Variants in MTUS1 observed in about 807,000 individuals in gnomAD.
MTUS1 encodes the protein microtubule associated scaffold protein 1.
MTUS1 carries 109 observed loss-of-function variants against 120.8 expected under a neutral mutation model. The ratio of observed to expected loss-of-function variants is 0.90; its 90% CI spans 0.77 to 1.06. MTUS1 has a LOEUF of 1.06. MTUS1 is among the 50% of genes least tolerant of loss of function. The pLI is 0.00. For missense variants in MTUS1, 2,210 were observed against 1,486.3 expected (o/e 1.49, Z -8.01); for synonymous variants, 737 against 550.5 (o/e 1.34, Z -4.74).
intron 1 of MTUS1, among the ~76,000 whole-genome samples, chr8:17,759,389 G>A (rs959955051): frequency 1.3e-5 from 2 of 151,174 alleles, no homozygotes; most frequent in Admixed American, 1.3e-4. Flanking sequence ...TCAGCCTCCC[G>A]AGTAGCTGTG....
At chr8:17,786,777 A>T (rs2051337518) in intron 1 of MTUS1, among the ~76,000 whole-genome samples, 1 of 152,106 alleles carries the variant, frequency 6.6e-6, no homozygotes, top group South Asian at 2.1e-4. Context: ...TTCATATGTG[A>T]TATTAAGAGT....
At chr8:17,682,539 A>G (rs1446759979) in intron 7 of MTUS1, among the ~76,000 whole-genome samples, 2 of 138,816 alleles carry the variant, frequency 1.4e-5, no homozygotes, top group Non-Finnish European at 3.1e-5. Context: ...AAAAAAAAAA[A>G]GTTGCTATCA....
At position 17,774,445 on chromosome 8, in the gene MTUS1, T is replaced by C. The variant is rs140566239; in HGVS notation, c.-154-18484A>G. 4.0e-4 allele frequency among the ~76,000 whole-genome samples: 61 copies of C among 152,244 alleles called. 2 individuals are homozygous for C. In the East Asian group the frequency reaches 6.2e-3, roughly 15 times the overall value. ...AAAGTAAGTTTACCCCTTTCTAAAATGTGAAGAAAAGGAAGCGGAGGTGAT... is the reference window on the plus strand; with the variant it reads ...AAAGTAAGTTTACCCCTTTCTAAAACGTGAAGAAAAGGAAGCGGAGGTGAT... On this transcript the variant is annotated intron_variant, in intron 1 of 14. Coordinates refer to ENST00000693296, the MANE Select transcript of MTUS1 (RefSeq NM_001363059.2).
In MTUS1 at chr8:17,684,322, C is replaced by G. The variant is rs1239614266; in HGVS notation, c.2838+6G>C. 1 of 1,611,166 alleles carries G rather than the reference C, an allele frequency of 6.2e-7. No individual in the cohort carries two copies. Among genetic ancestry groups the G allele is most frequent in the Non-Finnish European group, 8.5e-7 (1 of 1,177,424 alleles). On this transcript the variant is annotated splice_donor_region_variant and intron_variant, in intron 7 of 14. Coordinates refer to ENST00000693296, the MANE Select transcript of MTUS1 (RefSeq NM_001363059.2). ...GAAAGGCTCTTTCTAGGATGCACCTCCTTACCTCAGACAGCAGGTGCTGAA... is the reference window on the plus strand; with the variant it reads ...GAAAGGCTCTTTCTAGGATGCACCTGCTTACCTCAGACAGCAGGTGCTGAA...
chr8:17,750,910 T>C (rs1007592522), intron 2 of MTUS1, among the ~76,000 whole-genome samples: 2 of 152,342 alleles, frequency 1.3e-5, no homozygotes, highest in Middle Eastern at 3.4e-3. Context: ...ATAAGAACTT[T>C]TCTAAAGATT....
rs573244646 is a variant in MTUS1 at position 17,788,575 on chromosome 8, T to C, written c.-155+12486A>G. Among the ~76,000 whole-genome samples, 23 of 152,252 alleles carry C rather than the reference T, an allele frequency of 1.5e-4. No individual in the cohort carries two copies. The South Asian group carries it at 4.8e-3, about 32-fold the overall frequency. Reference sequence around the variant, plus strand: ...GACAGCCACAGACTAAACCACCACCTTGAAAAGCAGGCTAGGAAGGATCAT... The same window carrying C: ...GACAGCCACAGACTAAACCACCACCCTGAAAAGCAGGCTAGGAAGGATCAT... On this transcript the variant is annotated intron_variant, in intron 1 of 14. Coordinates refer to ENST00000693296, the MANE Select transcript of MTUS1 (RefSeq NM_001363059.2).
At chr8:17,759,608 T>C (rs996127070) in intron 1 of MTUS1, among the ~76,000 whole-genome samples, 3 of 147,184 alleles carry the variant, frequency 2.0e-5, no homozygotes, top group African/African-American at 4.9e-5. Flanking sequence ...TATATATATA[T>C]ATAAAAGTTC....
upstream of MTUS1, chr8:17,801,393 G>C (rs1214732355): frequency 2.0e-5 from 3 of 151,820 alleles, no homozygotes; most frequent in Admixed American, 2.0e-4. Flanking sequence ...CTCGCTGCGG[G>C]AGACCAAGGC....
chr8:17,768,829 G>GA (rs2049780172), intron 1 of MTUS1, among the ~76,000 whole-genome samples: 2 of 152,102 alleles, frequency 1.3e-5, no homozygotes, highest in Admixed American at 1.3e-4. Context: ...CAACACACCA[G>GA]AAAAGTCAAA....
intron 6 of MTUS1, among the ~76,000 whole-genome samples, chr8:17,707,444 G>A (rs76592531): frequency 6.6e-6 from 1 of 152,000 alleles, no homozygotes; most frequent in African/African-American, 2.4e-5. Flanking sequence ...AAGAACCTGG[G>A]AAAGTCATGC....
At chr8:17,724,102 A>C (rs1289661285) in intron 3 of MTUS1, 2 of 551,912 alleles carry the variant, frequency 3.6e-6, no homozygotes, top group African/African-American at 1.9e-5. Flanking sequence ...ATTAACTCAC[A>C]CATGTTCTCT....
intron 3 of MTUS1, chr8:17,734,106 G>C (rs1229260178): frequency 6.6e-6 from 1 of 152,082 alleles, no homozygotes; most frequent in African/African-American, 2.4e-5. Flanking sequence ...GATGAAACAA[G>C]AACTTGTCAC....
intron 8 of MTUS1, among the ~76,000 whole-genome samples, chr8:17,671,112 C>G (rs113547977): frequency 1.6e-4 from 25 of 151,844 alleles, no homozygotes; most frequent in Admixed American, 1.6e-3. Context: ...ATTAGCATTC[C>G]GCTGTATGAA....
intron 4 of MTUS1, chr8:17,722,547 G>A (rs1026465690): frequency 3.1e-5 from 31 of 985,164 alleles, no homozygotes; most frequent in Non-Finnish European, 2.7e-5. Flanking sequence ...TTCCTGAAGT[G>A]CCAGGGTATG....
At chr8:17,757,428 G>A (rs1188718307) in intron 1 of MTUS1, among the ~76,000 whole-genome samples, 1 of 152,174 alleles carries the variant, frequency 6.6e-6, no homozygotes, top group Non-Finnish European at 1.5e-5. Context: ...GATGATGGCT[G>A]CACAATGTTA....
rs1405366050 is a variant in MTUS1, at chr8:17,723,371, T to C, written c.2449+301A>G. ...AAATGAAACTGAAATAATCTTTTTTTCTGATTCCAGTTAGAGTCCAAATCC... is the reference window on the plus strand; with the variant it reads ...AAATGAAACTGAAATAATCTTTTTTCCTGATTCCAGTTAGAGTCCAAATCC... On this transcript the variant is annotated intron_variant, in intron 4 of 14. Transcript: ENST00000693296. 10 of 401,140 alleles carry C rather than the reference T, an allele frequency of 2.5e-5. No individual in the cohort carries two copies. In the East Asian group the frequency reaches 3.9e-4, roughly 16 times the overall value. The allele number at this position is 401,140 out of a possible 1,614,324, so 24.8% of individuals were successfully genotyped here. A position where few individuals can be genotyped will look rare whatever the true frequency, so the allele number is the denominator to read the frequency against.
rs1375598712 is a variant in MTUS1, at chr8:17,723,621, T to C, written c.2449+51A>G. ...ATTATTTGCAGAGCATTAGTTTTTC[T>C]TGTAATGACTGTTTCCACAACCCCC... On this transcript the variant is annotated intron_variant, in intron 4 of 14. Transcript: ENST00000693296. 5 of 1,563,490 alleles carry C rather than the reference T, an allele frequency of 3.2e-6. No individual in the cohort carries two copies. In the African/African-American group the frequency reaches 5.4e-5, roughly 17 times the overall value.
intron 4 of MTUS1, chr8:17,722,414 G>A (rs1395353642): frequency 1.0e-6 from 1 of 984,934 alleles, no homozygotes; most frequent in African/African-American, 1.7e-5. Context: ...ATACACGTGT[G>A]AATTACCTTT....
intron 2 of MTUS1, among the ~76,000 whole-genome samples, chr8:17,751,499 G>A (rs1331892188): frequency 6.6e-6 from 1 of 152,116 alleles, no homozygotes; most frequent in Non-Finnish European, 1.5e-5. Flanking sequence ...CTCCTTCCCA[G>A]AGACATGGAA....
Sources: allele counts gnomAD v4.1 joint callset (sites outside exome capture counted in the v4.1 genomes callset), GRCh38; gene constraint gnomAD v4.1.1; transcripts MANE v1.5; gene names NCBI Gene and HGNC (gene_info 2026-07-23, HGNC 2026-07-21).